SERINC5: variants seen among roughly 807,000 people sequenced by gnomAD.
SERINC5 encodes serine incorporator 5, also known as chromosome 5 open reading frame 12.
SERINC5 carries 41 observed loss-of-function variants against 63.1 expected under a neutral mutation model. That is an observed-to-expected ratio of 0.65 (90% CI 0.51 to 0.84). The LOEUF is 0.84. Ranked by LOEUF, SERINC5 falls within the 40% of genes least tolerant of loss-of-function variation. The pLI is 0.00. For synonymous variants in SERINC5, 222 were observed against 215.2 expected, an observed-to-expected ratio of 1.03 and a Z score of -0.28; for missense variants, 523 against 573.0, an observed-to-expected ratio of 0.91 and a Z score of 0.89.
chr5:80,180,011 T>C (rs1255841941), intron 2 of SERINC5, among the ~76,000 whole-genome samples: 1 of 152,160 alleles, frequency 6.6e-6, no homozygotes, highest in East Asian at 1.9e-4. Flanking sequence ...TTTCTCAAGT[T>C]TATGGCCATC....
At chr5:80,251,827 A>G (rs1345365066) in intron 1 of SERINC5, among the ~76,000 whole-genome samples, 1 of 70,914 alleles carries the variant, frequency 1.4e-5, no homozygotes, top group Non-Finnish European at 3.2e-5. Context: ...CACCAACCAG[A>G]CATTAGCTGA....
In SERINC5 at chr5:80,224,337, C is replaced by T. The variant is rs1403134050; in HGVS notation, c.28-21284G>A. Among the ~76,000 whole-genome samples the T allele has an allele frequency of 2.6e-5, 4 of 151,914 alleles. No homozygotes were observed. The East Asian group carries it at 7.8e-4, about 29-fold the overall frequency. ...ACAAAAAATACAAAAATTAGCCAGGCTTGGTGGCACACGACTATAGTCCCA... is the reference window on the plus strand; with the variant it reads ...ACAAAAAATACAAAAATTAGCCAGGTTTGGTGGCACACGACTATAGTCCCA... On this transcript the variant is annotated intron_variant, in intron 1 of 11. Transcript: ENST00000507668.
intron 7 of SERINC5, among the ~76,000 whole-genome samples, chr5:80,160,888 T>G (rs934712572): frequency 2.6e-5 from 4 of 151,822 alleles, no homozygotes; most frequent in Non-Finnish European, 4.4e-5. Flanking sequence ...TATGGCTGAA[T>G]AGTATTCCAT....
chr5:80,191,882 T>C (rs932078110), intron 2 of SERINC5, among the ~76,000 whole-genome samples: 1 of 152,146 alleles, frequency 6.6e-6, no homozygotes, highest in Non-Finnish European at 1.5e-5. Flanking sequence ...CTGAGCACAA[T>C]GTTCAGGTCA....
At chr5:80,170,321 C>T (rs1580104246) in intron 5 of SERINC5, among the ~76,000 whole-genome samples, 1 of 152,082 alleles carries the variant, frequency 6.6e-6, no homozygotes, top group Admixed American at 6.6e-5. Flanking sequence ...TGGGAAGATA[C>T]ACATCTTGAA....
At chr5:80,178,962 A>G (rs945297436) in intron 2 of SERINC5, among the ~76,000 whole-genome samples, 3 of 152,044 alleles carry the variant, frequency 2.0e-5, no homozygotes, top group Admixed American at 1.3e-4. Context: ...AGCTTTTTAA[A>G]ATAAAAGATT....
chr5:80,124,092 C>A (rs1744649636), intron 11 of SERINC5, among the ~76,000 whole-genome samples: 1 of 152,144 alleles, frequency 6.6e-6, no homozygotes, highest in African/African-American at 2.4e-5. Flanking sequence ...TGGCAACTAG[C>A]CTGGGAAGCC....
At chr5:80,133,176 G>A (rs1239641879) in intron 11 of SERINC5, among the ~76,000 whole-genome samples, 1 of 152,150 alleles carries the variant, frequency 6.6e-6, no homozygotes, top group Non-Finnish European at 1.5e-5. Context: ...GCTCACTGAG[G>A]CCTCTCCAGA....
At chr5:80,115,649 T>G (rs1234569451) in intron 11 of SERINC5, among the ~76,000 whole-genome samples, 1 of 152,062 alleles carries the variant, frequency 6.6e-6, no homozygotes, top group Non-Finnish European at 1.5e-5. Flanking sequence ...GAATAAAAAT[T>G]TCCTGAGTTT....
chr5:80,206,023 G>A (rs1257571507), intron 1 of SERINC5, among the ~76,000 whole-genome samples: 1 of 151,284 alleles, frequency 6.6e-6, no homozygotes, highest in Non-Finnish European at 1.5e-5. Flanking sequence ...TATAAAGTGG[G>A]GGTGGCAGAA....
rs1749952834 is a variant in SERINC5 at position 80,203,115 on chromosome 5, G to C, written c.28-62C>G. ...ATACTGTGATAGAATAAGAAACATG[G>C]CCAGGCACTGTGGTACACATCTGGA... On this transcript the variant is annotated intron_variant, in intron 1 of 11. Coordinates refer to ENST00000507668, the MANE Select transcript of SERINC5 (RefSeq NM_001174072.3). 3.4e-6 allele frequency: 5 copies of C among 1,469,914 alleles called. No homozygotes were observed. In the Admixed American group the frequency reaches 1.0e-4, roughly 31 times the overall value. 91.1% of individuals were successfully genotyped at this position (1,469,914 alleles called of 1,614,324 possible). A position where few individuals can be genotyped will look rare whatever the true frequency, so the allele number is the denominator to read the frequency against.
intron 4 of SERINC5, among the ~76,000 whole-genome samples, chr5:80,176,874 T>C (rs1256748579): frequency 6.6e-6 from 1 of 152,236 alleles, no homozygotes; most frequent in Non-Finnish European, 1.5e-5. Flanking sequence ...AAAGGCTTCA[T>C]ATTAATGAAT....
chr5:80,254,272 A>G (rs1561459169), intron 1 of SERINC5, among the ~76,000 whole-genome samples: 1 of 152,186 alleles, frequency 6.6e-6, no homozygotes. Context: ...AGGAAATCAC[A>G]GTGTGATCAC....
chr5:80,169,657 C>A (rs1355497176), intron 5 of SERINC5, 111 bp from the exon 6 acceptor site: 8 of 758,090 alleles, frequency 1.1e-5, no homozygotes, highest in Non-Finnish European at 1.5e-5. Flanking sequence ...TGCTACAGGC[C>A]ACAGGCACTG....
chr5:80,194,233 G>C (rs1170075257), intron 2 of SERINC5, among the ~76,000 whole-genome samples: 1 of 152,022 alleles, frequency 6.6e-6, no homozygotes, highest in Non-Finnish European at 1.5e-5. Flanking sequence ...TTTGACACTT[G>C]TTCTGACACA....
chr5:80,191,883 G>A (rs1288914342), intron 2 of SERINC5, among the ~76,000 whole-genome samples: 3 of 152,302 alleles, frequency 2.0e-5, no homozygotes, highest in South Asian at 2.1e-4. Context: ...TGAGCACAAT[G>A]TTCAGGTCAC....
chr5:80,132,357 A>G (rs546072113), intron 11 of SERINC5, among the ~76,000 whole-genome samples: 1 of 152,314 alleles, frequency 6.6e-6, no homozygotes, highest in South Asian at 2.1e-4. Context: ...ACTGATGACT[A>G]TTCCAAGAAG....
At chr5:80,238,430 T>C (rs1244807592) in intron 1 of SERINC5, among the ~76,000 whole-genome samples, 2 of 152,114 alleles carry the variant, frequency 1.3e-5, no homozygotes, top group Admixed American at 1.3e-4. Context: ...CTTGAGAGTT[T>C]AAGAGAAGGA....
At position 80,122,212 on chromosome 5, in the gene SERINC5, T is replaced by TATATATATATATAA. The variant is rs777568982; in HGVS notation, c.1239-8588_1239-8587insTTATATATATATAT. Among the ~76,000 whole-genome samples, 114 of 142,444 alleles carry TATATATATATATAA rather than the reference T, an allele frequency of 8.0e-4. 3 individuals carry two copies. The highest frequency in any genetic ancestry group is 3.7e-3 in the South Asian group (17 of 4,542). The allele number at this position is 142,444 out of a possible 152,430, so 93.4% of individuals were successfully genotyped here. A position where few individuals can be genotyped will look rare whatever the true frequency, so the allele number is the denominator to read the frequency against. On this transcript the variant is annotated intron_variant, in intron 11 of 12. Transcript: ENST00000509193. ...AGAACTAATAGTATATATATATATA[T>TATATATATATATAA]AATATGAGTTTATTAAATATTAGCT...
Sources: allele counts gnomAD v4.1 joint callset (sites outside exome capture counted in the v4.1 genomes callset), GRCh38; gene constraint gnomAD v4.1.1; transcripts MANE v1.5; gene names NCBI Gene and HGNC (gene_info 2026-07-23, HGNC 2026-07-21).